Variants in NPAS3 observed in about 807,000 individuals in gnomAD.
NPAS3 encodes the protein neuronal PAS domain protein 3.
Under a neutral mutation model 73.1 loss-of-function variants are expected in NPAS3, and 14 were observed. That is an observed-to-expected ratio of 0.19 (90% CI 0.13 to 0.30). The LOEUF is 0.30. NPAS3 is among the 10% of genes least tolerant of loss of function. The pLI, the probability that NPAS3 is intolerant of heterozygous loss-of-function variation, is 1.00. For synonymous variants in NPAS3, 620 were observed against 541.5 expected, an observed-to-expected ratio of 1.14 and a Z score of -2.01; for missense variants, 1,096 against 1,250.0, an observed-to-expected ratio of 0.88 and a Z score of 1.86.
intron 6 of NPAS3, among the ~76,000 whole-genome samples, chr14:33,719,302 C>T (rs184974128): frequency 2.0e-3 from 309 of 152,248 alleles, no homozygotes; most frequent in African/African-American, 7.1e-3. Flanking sequence ...GATTATCGAG[C>T]ATTGCAATTC....
chr14:33,491,581 G>T (rs2051901365), intron 4 of NPAS3, among the ~76,000 whole-genome samples: 1 of 152,020 alleles, frequency 6.6e-6, no homozygotes, highest in South Asian at 2.1e-4. Flanking sequence ...AAATATGGTT[G>T]GTAGCTACCA....
At chr14:33,263,786 T>C (rs2049064599) in intron 3 of NPAS3, among the ~76,000 whole-genome samples, 1 of 152,282 alleles carries the variant, frequency 6.6e-6, no homozygotes, top group South Asian at 2.1e-4. Context: ...TTGTATCCTC[T>C]TTTATTTTGT....
chr14:33,241,213 C>G (rs908420163), intron 3 of NPAS3, among the ~76,000 whole-genome samples: 1 of 151,930 alleles, frequency 6.6e-6, no homozygotes, highest in East Asian at 1.9e-4. Flanking sequence ...TATTGATTTA[C>G]TTAGGTGTCC....
At chr14:33,471,775 G>T (rs1185380218) in intron 4 of NPAS3, among the ~76,000 whole-genome samples, 1 of 152,196 alleles carries the variant, frequency 6.6e-6, no homozygotes, top group African/African-American at 2.4e-5. Context: ...CCCCGGTACT[G>T]GTCCGTGACC....
chr14:33,359,247 GT>G, intron 3 of NPAS3, among the ~76,000 whole-genome samples: 1 of 152,344 alleles, frequency 6.6e-6, no homozygotes, highest in East Asian at 1.9e-4. Flanking sequence ...ACCAACGTTA[GT>G]TCCCTGTCGT....
intron 7 of NPAS3, among the ~76,000 whole-genome samples, chr14:33,735,911 C>G (rs1269632043): frequency 6.6e-6 from 1 of 152,186 alleles, no homozygotes; most frequent in Non-Finnish European, 1.5e-5. Flanking sequence ...ACCAAGTCCA[C>G]AGTCAAAATC....
intron 6 of NPAS3, among the ~76,000 whole-genome samples, chr14:33,677,758 C>T (rs2059810386): frequency 1.3e-5 from 2 of 152,152 alleles, no homozygotes; most frequent in African/African-American, 4.8e-5. Context: ...GAGCCCCACA[C>T]ATGAGAAAAG....
chr14:33,710,531 ACAAG>A (rs2060788545), intron 6 of NPAS3, among the ~76,000 whole-genome samples: 2 of 152,192 alleles, frequency 1.3e-5, no homozygotes, highest in African/African-American at 4.8e-5. Context: ...TTCTTCTCCT[ACAAG>A]CCCTTACCCT....
At chr14:33,298,894 A>G (rs2042412724) in intron 3 of NPAS3, among the ~76,000 whole-genome samples, 3 of 152,292 alleles carry the variant, frequency 2.0e-5, no homozygotes, top group East Asian at 1.9e-4. Context: ...CTATTTGCCA[A>G]CCCCAACCAC....
chr14:33,251,534 TTA>T (rs1358812053), intron 3 of NPAS3, among the ~76,000 whole-genome samples: 2 of 152,108 alleles, frequency 1.3e-5, no homozygotes, highest in African/African-American at 2.4e-5. Context: ...TTCCAACTTT[TTA>T]TGTGTCGTTC....
At chr14:33,249,705 GT>G (rs987850674) in intron 3 of NPAS3, among the ~76,000 whole-genome samples, 1 of 152,096 alleles carries the variant, frequency 6.6e-6, no homozygotes, top group African/African-American at 2.4e-5. Flanking sequence ...TTACAGTTCA[GT>G]TTTGTCATCA....
At chr14:33,359,402 T>A (rs2045488460) in intron 3 of NPAS3, among the ~76,000 whole-genome samples, 1 of 152,084 alleles carries the variant, frequency 6.6e-6, no homozygotes. Context: ...AACTAAAAAA[T>A]CAAGATACCA....
intron 1 of NPAS3, among the ~76,000 whole-genome samples, chr14:33,022,100 C>T (rs2039618900): frequency 6.6e-6 from 1 of 152,168 alleles, no homozygotes; most frequent in Non-Finnish European, 1.5e-5. Flanking sequence ...GCCTCCTGCT[C>T]ACCTACTGCA....
chr14:33,509,176 A>G (rs372263240), intron 4 of NPAS3, among the ~76,000 whole-genome samples: 13 of 151,874 alleles, frequency 8.6e-5, no homozygotes, highest in East Asian at 7.8e-4. Flanking sequence ...TTGATCATAT[A>G]TTGCTTTGTG....
intron 2 of NPAS3, among the ~76,000 whole-genome samples, chr14:33,110,614 T>C (rs2138959097): frequency 6.6e-6 from 1 of 152,282 alleles, no homozygotes; most frequent in South Asian, 2.1e-4. Context: ...TGTGCAAAGT[T>C]TGAATTTACT....
intron 2 of NPAS3, among the ~76,000 whole-genome samples, chr14:33,151,802 A>G (rs981473812): frequency 2.0e-5 from 3 of 152,184 alleles, no homozygotes; most frequent in African/African-American, 7.2e-5. Flanking sequence ...TTCTGGAAAG[A>G]GACTATATAA....
chr14:33,232,646 C>T (rs2047893797), intron 3 of NPAS3, among the ~76,000 whole-genome samples: 1 of 152,106 alleles, frequency 6.6e-6, no homozygotes, highest in African/African-American at 2.4e-5. Context: ...AGATTTTGTT[C>T]TACAATCACT....
intron 6 of NPAS3, among the ~76,000 whole-genome samples, chr14:33,683,427 C>CAA (rs1176606241): frequency 0.033 from 2,505 of 76,708 alleles, 148 homozygotes; most frequent in African/African-American, 0.083. Context: ...TTCCTCATTT[C>CAA]AAAAAAAAAA....
chr14:33,698,356 T>C (rs1363492001), intron 6 of NPAS3, among the ~76,000 whole-genome samples: 1 of 152,258 alleles, frequency 6.6e-6, no homozygotes, highest in East Asian at 1.9e-4. Context: ...CTGTGGCTTT[T>C]GCCATGAAAC....
Sources: allele counts gnomAD v4.1 joint callset (sites outside exome capture counted in the v4.1 genomes callset), GRCh38; gene constraint gnomAD v4.1.1; transcripts MANE v1.5; gene names NCBI Gene and HGNC (gene_info 2026-07-23, HGNC 2026-07-21).